The following RBM17 variants were observed in gnomAD, a reference collection of about 807,000 sequenced individuals.
The protein encoded by RBM17 is splicing factor 45.
A neutral mutation model predicts 53.2 loss-of-function variants in RBM17; 7 were observed. The ratio of observed to expected loss-of-function variants is 0.13; its 90% CI spans 0.07 to 0.25. The LOEUF (loss-of-function observed/expected upper bound fraction) is 0.25, where lower values mean the gene tolerates loss of function less well. Among genes scored for constraint, RBM17 ranks in the 10% least tolerant of loss-of-function variants. The pLI is 1.00. For synonymous variants in RBM17, 167 were observed against 178.1 expected, an observed-to-expected ratio of 0.94 and a Z score of 0.50; for missense variants, 257 against 496.7, an observed-to-expected ratio of 0.52 and a Z score of 4.59.
Position 6,113,707 on chromosome 10 carries a change from C to A in RBM17, c.930+126C>A, listed in dbSNP as rs530766766. The A allele has an allele frequency of 7.5e-5, 52 of 695,112 alleles. 1 individual carries two copies. The African/African-American group carries it at 8.6e-4, about 12-fold the overall frequency. The allele number at this position is 695,112 out of a possible 1,614,324, so 43.1% of individuals were successfully genotyped here. A position where few individuals can be genotyped will look rare whatever the true frequency, so the allele number is the denominator to read the frequency against. ...TTTGCAAATAATACTTTGGGCAGAT[C>A]CCACGTAAGGCTGATTTTAGATTTT... On this transcript the variant is annotated intron_variant, in intron 9 of 11. Coordinates refer to ENST00000379888, the MANE Select transcript of RBM17 (RefSeq NM_032905.5).
In RBM17 at chr10:6,117,412, A is replaced by C. The variant is rs1426250890; in HGVS notation, c.*1856A>C. 6.6e-6 allele frequency: 1 copy of C among 152,154 alleles called. No individual in the cohort carries two copies. The highest frequency in any genetic ancestry group is 1.5e-5 in the Non-Finnish European group (1 of 68,030). The allele number at this position is 152,154 out of a possible 1,614,324, so 9.4% of individuals were successfully genotyped here. A position where few individuals can be genotyped will look rare whatever the true frequency, so the allele number is the denominator to read the frequency against. ...CATTTAAGCTAATATAAAAATTTTA[A>C]ATTTCAATAAAAATTAAAAATTATG... is the stretch of plus-strand genomic sequence containing the variant. On this transcript the variant is annotated 3_prime_UTR_variant, in exon 12 of 12. Transcript: ENST00000379888.
chr10:6,093,859 A>G (rs1261173117), intron 1 of RBM17, among the ~76,000 whole-genome samples: 1 of 152,204 alleles, frequency 6.6e-6, no homozygotes, highest in Non-Finnish European at 1.5e-5. Context: ...TATACTTTCT[A>G]CACATAGCCT....
chr10:6,097,938 C>T (rs555900558), intron 2 of RBM17, among the ~76,000 whole-genome samples: 145 of 152,300 alleles, frequency 9.5e-4, no homozygotes, highest in Non-Finnish European at 1.1e-3. Flanking sequence ...TAAGCTGCTG[C>T]GTGCAACTTA....
At chr10:6,114,862 A>T (rs1313189725) in intron 10 of RBM17, 5 of 198,064 alleles carry the variant, frequency 2.5e-5, no homozygotes, top group Non-Finnish European at 5.1e-5. Context: ...AGCTAGTCAA[A>T]ATGAGACCTG....
In RBM17 at chr10:6,109,993, A is replaced by C. The variant is rs1335960686; in HGVS notation, c.570A>C (p.Arg190=). ...SLVEKDKELP[R]DFPYEEDSRP... ...TTTATTTTTCTCCAATAGTACCCCG[A>C]GATTTTCCTTATGAAGAGGACTCAA... Residue 190 remains arginine, a synonymous_variant, in exon 7 of 12, where the codon CGA becomes CGC. Transcript: ENST00000379888. 3 of 1,606,304 alleles carry C rather than the reference A, an allele frequency of 1.9e-6. No individual in the cohort carries two copies. The East Asian group carries it at 6.7e-5, about 36-fold the overall frequency.
At chr10:6,098,556 G>GGTTTTTGTTTTTTTTTTTTTTTTTT (rs1840613398) in intron 2 of RBM17, among the ~76,000 whole-genome samples, 2 of 87,980 alleles carry the variant, frequency 2.3e-5, no homozygotes, top group Admixed American at 1.4e-4. Context: ...TAATACACAG[G>GGTTTTTGTTTTTTTTTTTTTTTTTT]TTTTTTGTTT....
intron 1 of RBM17, among the ~76,000 whole-genome samples, chr10:6,095,456 C>T (rs550838538): frequency 5.3e-5 from 8 of 152,208 alleles, no homozygotes; most frequent in East Asian, 1.9e-4. Context: ...TCAAGTGATC[C>T]GCCCACCTAT....
At chr10:6,105,342 T>G (rs1165871724) in intron 4 of RBM17, among the ~76,000 whole-genome samples, 1 of 152,246 alleles carries the variant, frequency 6.6e-6, no homozygotes, top group Admixed American at 6.5e-5. Context: ...AAATAACTTA[T>G]AAACCTGATG....
At position 6,104,785 on chromosome 10, in the gene RBM17, G is replaced by A. The variant is rs946147077; in HGVS notation, c.241-146G>A. 14 of 631,958 alleles carry A rather than the reference G, an allele frequency of 2.2e-5. 1 individual carries two copies. In the Admixed American group the frequency reaches 2.7e-4, roughly 12 times the overall value. The allele number at this position is 631,958 out of a possible 1,614,324, so 39.1% of individuals were successfully genotyped here. A position where few individuals can be genotyped will look rare whatever the true frequency, so the allele number is the denominator to read the frequency against. On this transcript the variant is annotated intron_variant, in intron 3 of 11. Coordinates refer to ENST00000379888, the MANE Select transcript of RBM17 (RefSeq NM_032905.5). Reference sequence around the variant, plus strand: ...CTGACTAGGCACGTGGCCTTGTCTGGTATTTGTTTTCTTTGTCTTTAAAAC... The same window carrying A: ...CTGACTAGGCACGTGGCCTTGTCTGATATTTGTTTTCTTTGTCTTTAAAAC...
intron 4 of RBM17, among the ~76,000 whole-genome samples, chr10:6,105,539 A>G (rs1174185866): frequency 6.6e-6 from 1 of 152,202 alleles, no homozygotes; most frequent in Non-Finnish European, 1.5e-5. Flanking sequence ...AAAATTTGAA[A>G]CACTTCTGGT....
intron 1 of RBM17, among the ~76,000 whole-genome samples, chr10:6,091,718 G>GATAGAT (rs1366572755): frequency 6.6e-6 from 1 of 152,168 alleles, no homozygotes; most frequent in Admixed American, 6.5e-5. Context: ...CTGAGCTAGA[G>GATAGAT]ATACAAAGCT....
At chr10:6,104,505 T>C (rs1203242018) in intron 3 of RBM17, among the ~76,000 whole-genome samples, 2 of 152,216 alleles carry the variant, frequency 1.3e-5, no homozygotes, top group African/African-American at 4.8e-5. Context: ...TCTGAAGTTA[T>C]TCTGTTAAAA....
At chr10:6,106,688 G>A (rs1840753059) in intron 5 of RBM17, among the ~76,000 whole-genome samples, 2 of 152,210 alleles carry the variant, frequency 1.3e-5, no homozygotes, top group South Asian at 4.1e-4. Flanking sequence ...CAGTATATAG[G>A]TTGAATATTT....
chr10:6,101,528 TTC>T, intron 3 of RBM17, 141 bp downstream of exon 3: 1 of 445,000 alleles, frequency 2.2e-6, no homozygotes, highest in Non-Finnish European at 4.0e-6. Context: ...TAATTTTTAC[TTC>T]TGTTTTGCCA....
intron 1 of RBM17, among the ~76,000 whole-genome samples, chr10:6,092,794 C>G (rs554499155): frequency 2.0e-4 from 31 of 152,302 alleles, no homozygotes; most frequent in African/African-American, 7.5e-4. Context: ...AGAAAACTAG[C>G]AGGTGCTGGT....
At chr10:6,099,935 G>A (rs373959823) in intron 2 of RBM17, among the ~76,000 whole-genome samples, 1 of 152,152 alleles carries the variant, frequency 6.6e-6, no homozygotes, top group Admixed American at 6.5e-5. Flanking sequence ...GCGTGCATCT[G>A]TAATCCCAGC....
At chr10:6,093,421 G>T (rs1016867337) in intron 1 of RBM17, among the ~76,000 whole-genome samples, 1 of 152,078 alleles carries the variant, frequency 6.6e-6, no homozygotes, top group Non-Finnish European at 1.5e-5. Context: ...TTTTCACCAC[G>T]TAGGCCAGGC....
At position 6,115,641 on chromosome 10, in the gene RBM17, C is replaced by A. The variant is rs182468817; in HGVS notation, c.*85C>A. Reference sequence around the variant, plus strand: ...AAAGAAGGAAAAAGGTCACAGCCTCCATGGCTGTTGCATACCAAGACTCTT... The same window carrying A: ...AAAGAAGGAAAAAGGTCACAGCCTCAATGGCTGTTGCATACCAAGACTCTT... On this transcript the variant is annotated 3_prime_UTR_variant, in exon 12 of 12. Coordinates refer to ENST00000379888, the MANE Select transcript of RBM17 (RefSeq NM_032905.5). 2 of 826,278 alleles carry A rather than the reference C, an allele frequency of 2.4e-6. No individual in the cohort carries two copies. Among genetic ancestry groups the A allele is most frequent in the African/African-American group, 1.7e-5 (1 of 59,376 alleles). 51.2% of individuals were successfully genotyped at this position (826,278 alleles called of 1,614,324 possible). A position where few individuals can be genotyped will look rare whatever the true frequency, so the allele number is the denominator to read the frequency against.
chr10:6,108,570 T>C (rs1240811232), intron 5 of RBM17, 116 bp from the exon 6 acceptor site: 2 of 678,152 alleles, frequency 2.9e-6, no homozygotes, highest in Non-Finnish European at 5.1e-6. Flanking sequence ...AAGTAGCAGG[T>C]CCTCCTTTTT....
Sources: gnomAD v4.1 joint callset for allele counts (sites outside exome capture counted in the v4.1 genomes callset) on GRCh38, gnomAD v4.1.1 for gene constraint, MANE v1.5 for transcripts, NCBI Gene and HGNC (gene_info 2026-07-23, HGNC 2026-07-21) for gene names.